CSPG4: variants seen among roughly 807,000 people sequenced by gnomAD.
CSPG4 encodes the protein chondroitin sulfate proteoglycan 4 (melanoma-associated).
A neutral mutation model predicts 139.3 loss-of-function variants in CSPG4; 74 were observed. That is an observed-to-expected ratio of 0.53 (90% CI 0.44 to 0.64). The LOEUF is 0.64. Ranked by LOEUF, CSPG4 falls within the 30% of genes least tolerant of loss-of-function variation. CSPG4 has a pLI of 0.00. For missense variants in CSPG4, 2,565 were observed against 3,148.3 expected, an observed-to-expected ratio of 0.81 and a Z score of 4.43; for synonymous variants, 1,234 against 1,394.2, an observed-to-expected ratio of 0.89 and a Z score of 2.56.
rs991639833 is a variant in CSPG4 at position 75,692,604 on chromosome 15, G to C, written c.252+466C>G. On this transcript the variant is annotated intron_variant, in intron 2 of 9. Transcript: ENST00000308508. The stretch of plus-strand genomic sequence containing the variant: ...CGTGGACAGACCATGGTGCTGCAGA[G>C]AAATTGGTGCAGTGCCACCGGGATG... 1.2e-4 allele frequency among the ~76,000 whole-genome samples: 18 copies of C among 152,362 alleles called. No homozygotes were observed. The South Asian group carries it at 2.5e-3, about 21-fold the overall frequency.
intron 1 of CSPG4, among the ~76,000 whole-genome samples, chr15:75,697,932 A>C (rs1158526791): frequency 6.6e-6 from 1 of 152,244 alleles, no homozygotes; most frequent in African/African-American, 2.4e-5. Flanking sequence ...CATGGGAGAA[A>C]GTTATTAAAA....
chr15:75,685,499 G>T lies in CSPG4; in HGVS notation c.3992C>A (p.Ala1331Asp). The part of the protein sequence containing the change: ...LHSRPEAWSD[A>D]FSLDVASGLG... ...GCCTGAGGCCACATCCAGCGAGAAG[G>T]CATCGCTCCAGGCCTCAGGGCGGGA... The change falls in exon 4 of 10, where the codon GCC becomes GAC. Residue 1331 changes from alanine to aspartate, a missense_variant. Coordinates refer to ENST00000308508, the MANE Select transcript of CSPG4 (RefSeq NM_001897.5). 1.2e-6 allele frequency: 2 copies of T among 1,611,096 alleles called. No individual in the cohort carries two copies. Among genetic ancestry groups the T allele is most frequent in the Non-Finnish European group, 8.5e-7 (1 of 1,179,596 alleles).
Position 75,687,327 on chromosome 15 carries a change from C to CT in CSPG4, c.3737dup (p.Ile1247AspfsTer10), listed in dbSNP as rs1894074559. 1.9e-6 allele frequency: 3 copies of CT among 1,612,234 alleles called. No homozygotes were observed. Among genetic ancestry groups the CT allele is most frequent in the Admixed American group, 1.7e-5 (1 of 60,000 alleles). Reference sequence around the variant, plus strand: ...CTGCCTCTCCCTGGAAGACGTAGATCTTCTTGTGCCGGACCAGCTTCAGTG... The same window carrying CT: ...CTGCCTCTCCCTGGAAGACGTAGATCTTTCTTGTGCCGGACCAGCTTCAGTG... On this transcript the variant is annotated frameshift_variant, in exon 3 of 10. Coordinates refer to ENST00000308508, the MANE Select transcript of CSPG4 (RefSeq NM_001897.5). LOFTEE classifies it high-confidence loss of function. The surrounding 1 kb of genome is among the most constrained non-coding windows in gnomAD (Gnocchi z 5.4).
intron 1 of CSPG4, among the ~76,000 whole-genome samples, chr15:75,707,559 C>T (rs1360646570): frequency 2.0e-5 from 3 of 152,206 alleles, no homozygotes; most frequent in African/African-American, 7.2e-5. Flanking sequence ...GGAGAGGCCA[C>T]ACAGCCCCAG....
At position 75,698,599 on chromosome 15, in the gene CSPG4, G is replaced by C. The variant is rs1428957119; in HGVS notation, c.89-5366C>G. ...TACACACGTGTGTGGCGGCAAGGCAGGCGAGGAAGGGGTGCGCTGGGTCCC... is the reference window on the plus strand; with the variant it reads ...TACACACGTGTGTGGCGGCAAGGCACGCGAGGAAGGGGTGCGCTGGGTCCC... On this transcript the variant is annotated intron_variant, in intron 1 of 9. Coordinates refer to ENST00000308508, the MANE Select transcript of CSPG4 (RefSeq NM_001897.5). The surrounding 1 kb of genome is among the most constrained non-coding windows in gnomAD (Gnocchi z 4.3). 6.6e-6 allele frequency among the ~76,000 whole-genome samples: 1 copy of C among 152,242 alleles called. No individual in the cohort carries two copies. The highest frequency in any genetic ancestry group is 2.4e-5 in the African/African-American group (1 of 41,536).
In CSPG4 at chr15:75,677,500, C is replaced by T. The variant is rs1046690620; in HGVS notation, c.5135-116G>A. On this transcript the variant is annotated intron_variant, in intron 9 of 9. Transcript: ENST00000308508. The stretch of plus-strand genomic sequence containing the variant: ...CTCCCCCCAACCATCAAGCCAGGTC[C>T]TCCAGGGTGGGGCTCAGGGTTCCCA... The T allele has an allele frequency of 5.5e-6, 7 of 1,264,630 alleles. No homozygotes were observed. In the African/African-American group the frequency reaches 7.6e-5, roughly 14 times the overall value. 78.3% of individuals were successfully genotyped at this position (1,264,630 alleles called of 1,614,324 possible).
Position 75,709,991 on chromosome 15 carries a change from A to G in CSPG4, c.88+2677T>C, listed in dbSNP as rs1198119077. ...CTGGGGTGGCACACAAGGTGCACACAAGGCTCAGTGCCTGTCCCGAGCACC... is the reference window on the plus strand; with the variant it reads ...CTGGGGTGGCACACAAGGTGCACACGAGGCTCAGTGCCTGTCCCGAGCACC... On this transcript the variant is annotated intron_variant, in intron 1 of 9. Coordinates refer to ENST00000308508, the MANE Select transcript of CSPG4 (RefSeq NM_001897.5). Among the ~76,000 whole-genome samples the G allele has an allele frequency of 7.9e-5, 12 of 151,760 alleles. No homozygotes were observed. The East Asian group carries it at 1.4e-3, about 17-fold the overall frequency.
Position 75,693,842 on chromosome 15 carries a change from C to T in CSPG4, c.89-609G>A, listed in dbSNP as rs375591404. ...ATGGCCCACCTATCCCCGCTTCTCT[C>T]TCAGGCCATTCTTCCAGCTGCCATT... is the stretch of plus-strand genomic sequence containing the variant. On this transcript the variant is annotated intron_variant, in intron 1 of 9. Coordinates refer to ENST00000308508, the MANE Select transcript of CSPG4 (RefSeq NM_001897.5). Among the ~76,000 whole-genome samples, 59 of 152,402 alleles carry T rather than the reference C, an allele frequency of 3.9e-4. 1 individual carries two copies. Among genetic ancestry groups the T allele is most frequent in the African/African-American group, 1.4e-3 (59 of 41,602 alleles).
In CSPG4 at chr15:75,685,491, G is replaced by A. The variant is rs774324470; in HGVS notation, c.4000C>T (p.Leu1334=). ...GCACCCAGGCCTGAGGCCACATCCA[G>A]CGAGAAGGCATCGCTCCAGGCCTCA... ...RPEAWSDAFS[L]DVASGLGAPL... The change falls in exon 4 of 10, where the codon CTG becomes TTG. Residue 1334 remains leucine (L), a synonymous_variant. Coordinates refer to ENST00000308508, the MANE Select transcript of CSPG4 (RefSeq NM_001897.5). 20 of 1,611,700 alleles carry A rather than the reference G, an allele frequency of 1.2e-5. No homozygotes were observed. Among genetic ancestry groups the A allele is most frequent in the Non-Finnish European group, 1.6e-5 (19 of 1,179,790 alleles).
intron 1 of CSPG4, among the ~76,000 whole-genome samples, chr15:75,697,249 C>A (rs191296945): frequency 6.6e-6 from 1 of 152,190 alleles, no homozygotes; most frequent in Non-Finnish European, 1.5e-5. Context: ...CTCTGCTCCC[C>A]CTGGTCTCCC....
Position 75,688,445 on chromosome 15 carries a change from G to A in CSPG4, c.2620C>T (p.Arg874Cys), listed in dbSNP as rs369175608. The change falls in exon 3 of 10, where the codon CGT becomes TGT. Residue 874 changes from arginine (R) to cysteine (C), a missense_variant. This residue lies in a region of CSPG4 where 2,316 missense variants were observed against 2,818.2 expected (regional missense o/e 0.82). Coordinates refer to ENST00000308508, the MANE Select transcript of CSPG4 (RefSeq NM_001897.5). ...RASEAVEDTF[R>C]FRVTAPPYFS... ...TATGGTGGAGCTGTGACACGGAAACGGAAGGTGTCCTCGACTGCCTCTGAG... is the reference window on the plus strand; with the variant it reads ...TATGGTGGAGCTGTGACACGGAAACAGAAGGTGTCCTCGACTGCCTCTGAG... 4 of 1,613,258 alleles carry A rather than the reference G, an allele frequency of 2.5e-6. No individual in the cohort carries two copies. The highest frequency in any genetic ancestry group is 1.3e-5 in the African/African-American group (1 of 75,062).
At chr15:75,685,157 G>C in intron 4 of CSPG4, 62 bp downstream of exon 4, 1 of 1,506,856 alleles carries the variant, frequency 6.6e-7, no homozygotes, top group South Asian at 1.4e-5. Flanking sequence ...GAGTCCCCAG[G>C]GCTCCCTCCA....
chr15:75,682,974 G>A lies in CSPG4; in HGVS notation c.4517C>T (p.Ser1506Phe), dbSNP rs770942015. Residue 1506 changes from serine to phenylalanine, a missense_variant, in exon 6 of 10, where the codon TCT (serine) becomes TTT (phenylalanine). Physicochemically the swap from Ser to Phe is radical, Grantham distance 155 (BLOSUM62 -2). Around this residue, in one of 5 missense-constraint regions of CSPG4, gnomAD observed 2,316 missense variants for 2,818.2 expected, o/e 0.82. Coordinates refer to ENST00000308508, the MANE Select transcript of CSPG4 (RefSeq NM_001897.5). ...ALRSTDGDSG[S>F]EDLVYTIEQP... is the part of the protein sequence containing the mutation. ...CTCGATGGTGTAGACCAGATCCTCA[G>A]ACCCAGAGTCGCCGTCCGTGCTCCT... 1.9e-6 allele frequency: 3 copies of A among 1,611,574 alleles called. No homozygotes were observed. The South Asian group carries it at 3.3e-5, about 18-fold the overall frequency.
chr15:75,682,702 C>T lies in CSPG4; in HGVS notation c.4688G>A (p.Gly1563Asp). 1.2e-6 allele frequency: 2 copies of T among 1,613,004 alleles called. No homozygotes were observed. The highest frequency in any genetic ancestry group is 1.7e-6 in the Non-Finnish European group (2 of 1,180,024). ...DGGFRFRLSD[G>D]EHTSPGHFFR... ...GAAGTGTCCGGGGGAAGTGTGCTCGCCGTCAGAGAGGCGGAAGCGGAAGCC... is the reference window on the plus strand; with the variant it reads ...GAAGTGTCCGGGGGAAGTGTGCTCGTCGTCAGAGAGGCGGAAGCGGAAGCC... Residue 1563 changes from glycine (G) to aspartate (D), a missense_variant, in exon 7 of 10, where the codon GGC (glycine) becomes GAC (aspartate). Physicochemically the swap from Gly to Asp is moderately conservative, Grantham distance 94. Transcript: ENST00000308508.
Position 75,689,059 on chromosome 15 carries a change from G to C in CSPG4, c.2006C>G (p.Thr669Arg). Residue 669 changes from threonine to arginine, a missense_variant, in exon 3 of 10, where the codon ACA becomes AGA. By Grantham distance (71) the Thr-to-Arg change is moderately conservative. Around this residue, in one of 5 missense-constraint regions of CSPG4, gnomAD observed 2,316 missense variants for 2,818.2 expected, o/e 0.82. Coordinates refer to ENST00000308508, the MANE Select transcript of CSPG4 (RefSeq NM_001897.5). ...IRPAIQIHRS[T>R]GLRLAQGSAM... ...AGAGCCTTGGGCCAGTCGCAACCCT[G>C]TGCTGCGGTGGATCTGTATGGCCGG... is the stretch of plus-strand genomic sequence containing the variant. 6.2e-7 allele frequency: 1 copy of C among 1,610,688 alleles called. No individual in the cohort carries two copies. Among genetic ancestry groups the C allele is most frequent in the South Asian group, 1.1e-5 (1 of 90,966 alleles).
upstream of CSPG4, among the ~76,000 whole-genome samples, chr15:75,713,247 A>G (rs1894475431): frequency 6.6e-6 from 1 of 152,168 alleles, no homozygotes; most frequent in Non-Finnish European, 1.5e-5. Flanking sequence ...AGCCACCCTC[A>G]CAGGCGGCTT....
intron 1 of CSPG4, among the ~76,000 whole-genome samples, chr15:75,699,794 G>T (rs1265870188): frequency 6.6e-6 from 1 of 152,154 alleles, no homozygotes; most frequent in Non-Finnish European, 1.5e-5. Flanking sequence ...GAGGAGGGTG[G>T]GGTGGCTGCG....
In CSPG4 at chr15:75,677,215, A is replaced by G; in HGVS notation, c.5304T>C (p.His1768=). 6.8e-7 allele frequency: 1 copy of G among 1,471,300 alleles called. No homozygotes were observed. The highest frequency in any genetic ancestry group is 9.0e-7 in the Non-Finnish European group (1 of 1,107,586). The allele number at this position is 1,471,300 out of a possible 1,614,324, so 91.1% of individuals were successfully genotyped here. A position where few individuals can be genotyped will look rare whatever the true frequency, so the allele number is the denominator to read the frequency against. ...GQLLVSEEPL[H]AGQPHFLQSQ... is the part of the protein sequence containing the mutation. Reference sequence around the variant, plus strand: ...ACTGCAGGAAGTGGGGCTGCCCAGCATGGAGGGGCTCCTCGGACACCAACA... The same window carrying G: ...ACTGCAGGAAGTGGGGCTGCCCAGCGTGGAGGGGCTCCTCGGACACCAACA... The change falls in exon 10 of 10, where the codon CAT becomes CAC. Residue 1768 remains histidine, a synonymous_variant. Transcript: ENST00000308508.
chr15:75,689,654 T>C lies in CSPG4; in HGVS notation c.1411A>G (p.Ser471Gly). Residue 471 changes from serine to glycine, a missense_variant, in exon 3 of 10, where the codon AGC becomes GGC. Coordinates refer to ENST00000308508, the MANE Select transcript of CSPG4 (RefSeq NM_001897.5). ...AELRKSQVLF[S>G]VTRGARHGEL... is the part of the protein sequence containing the mutation. ...CCATGGCGTGCCCCTCGGGTCACGC[T>C]GAACAGCACCTGGGATTTGCGCAGC... 6.2e-7 allele frequency: 1 copy of C among 1,612,892 alleles called. No individual in the cohort carries two copies. Among genetic ancestry groups the C allele is most frequent in the Non-Finnish European group, 8.5e-7 (1 of 1,179,860 alleles).
Sources: gnomAD v4.1 joint callset for allele counts (sites outside exome capture counted in the v4.1 genomes callset) on GRCh38, gnomAD v4.1.1 for gene constraint, gnomAD v4.1.1 regional missense constraint, Gnocchi (gnomAD v3.1) non-coding constraint, MANE v1.5 for transcripts, NCBI Gene and HGNC (gene_info 2026-07-23, HGNC 2026-07-21) for gene names.